Variants in KCNQ3 observed in about 807,000 individuals in gnomAD.
KCNQ3 encodes the protein potassium voltage-gated channel subfamily Q member 3.
Under a neutral mutation model 92.5 loss-of-function variants are expected in KCNQ3, and 30 were observed. That is an observed-to-expected ratio of 0.32 (90% CI 0.24 to 0.44). The LOEUF (loss-of-function observed/expected upper bound fraction) is 0.44. Among genes scored for constraint, KCNQ3 ranks in the 20% least tolerant of loss-of-function variants. KCNQ3 has a pLI of 1.00. For missense variants in KCNQ3, 913 were observed against 1,140.3 expected (o/e 0.80, Z 2.87); for synonymous variants, 450 against 468.8 (o/e 0.96, Z 0.52).
At chr8:132,386,007 T>TA (rs1819882011) in intron 1 of KCNQ3, among the ~76,000 whole-genome samples, 1 of 151,628 alleles carries the variant, frequency 6.6e-6, no homozygotes, top group South Asian at 2.1e-4. Flanking sequence ...AAAGAAAAAG[T>TA]AAAAAATAAA....
intron 8 of KCNQ3, among the ~76,000 whole-genome samples, chr8:132,165,865 A>G (rs1826129384): frequency 6.6e-6 from 1 of 152,214 alleles, no homozygotes; most frequent in Non-Finnish European, 1.5e-5. Flanking sequence ...AAATGGAGTT[A>G]CCCCTTCTAC....
chr8:132,250,000 A>C (rs1815346538), intron 1 of KCNQ3, among the ~76,000 whole-genome samples: 1 of 152,104 alleles, frequency 6.6e-6, no homozygotes, highest in Non-Finnish European at 1.5e-5. Context: ...CTGGCCCACG[A>C]GTGCACTGCA....
chr8:132,276,679 A>C (rs1243227868), intron 1 of KCNQ3, among the ~76,000 whole-genome samples: 2 of 152,160 alleles, frequency 1.3e-5, no homozygotes, highest in Non-Finnish European at 2.9e-5. Context: ...TTGAAATATC[A>C]TAACAATCCT....
At chr8:132,336,267 C>T (rs975711053) in intron 1 of KCNQ3, among the ~76,000 whole-genome samples, 1 of 152,176 alleles carries the variant, frequency 6.6e-6, no homozygotes, top group Non-Finnish European at 1.5e-5. Context: ...TCCAGCTGTG[C>T]CTCCACCTCC....
rs1554648616 is a variant in KCNQ3, at chr8:132,370,309, G to GATGGATGA, written c.386+109837_386+109838insTCATCCAT. On this transcript the variant is annotated intron_variant, in intron 1 of 14. Coordinates refer to ENST00000388996, the MANE Select transcript of KCNQ3 (RefSeq NM_004519.4). ...GTGCTCAATGCGTGCCTGCTAAATGGATGAATGAATGAATGAATGAATGAG... is the reference window on the plus strand; with the variant it reads ...GTGCTCAATGCGTGCCTGCTAAATGGATGGATGAATGAATGAATGAATGAATGAATGAG... Among the ~76,000 whole-genome samples, 13 of 152,170 alleles carry GATGGATGA rather than the reference G, an allele frequency of 8.5e-5. No individual in the cohort carries two copies. In the East Asian group the frequency reaches 2.1e-3, roughly 25 times the overall value.
intron 10 of KCNQ3, chr8:132,140,771 C>G: frequency 3.3e-6 from 1 of 305,390 alleles, no homozygotes; most frequent in South Asian, 3.9e-5. Context: ...CCACTCTTCC[C>G]GTGCCCTGGT....
At chr8:132,394,033 A>T (rs1236335556) in intron 1 of KCNQ3, among the ~76,000 whole-genome samples, 1 of 152,192 alleles carries the variant, frequency 6.6e-6, no homozygotes, top group Non-Finnish European at 1.5e-5. Context: ...AGGCTCCACA[A>T]GACAACAGAG....
chr8:132,388,226 C>T (rs769547714), intron 1 of KCNQ3, among the ~76,000 whole-genome samples: 9 of 152,198 alleles, frequency 5.9e-5, no homozygotes, highest in Admixed American at 3.3e-4. Context: ...GAGGCATAGT[C>T]GTTGTTTGCT....
chr8:132,210,722 T>C (rs9650111), intron 1 of KCNQ3, among the ~76,000 whole-genome samples: 70,254 of 152,020 alleles, frequency 0.46, 16,547 homozygotes, highest in Middle Eastern at 0.53. Context: ...TGTAGAGATG[T>C]ATGGCAGCTT....
At chr8:132,188,154 A>G (rs1233938605) in intron 1 of KCNQ3, among the ~76,000 whole-genome samples, 1 of 152,194 alleles carries the variant, frequency 6.6e-6, no homozygotes, top group Admixed American at 6.5e-5. Context: ...TGAGCAGCTC[A>G]TTGACTTGGC....
At chr8:132,357,899 G>A (rs1292825738) in intron 1 of KCNQ3, among the ~76,000 whole-genome samples, 1 of 152,100 alleles carries the variant, frequency 6.6e-6, no homozygotes, top group Non-Finnish European at 1.5e-5. Flanking sequence ...TTCCCTAAAG[G>A]CCTTTGTGCT....
intron 1 of KCNQ3, among the ~76,000 whole-genome samples, chr8:132,209,619 TAATTATGTGAA>T (rs1813789906): frequency 6.6e-6 from 1 of 152,186 alleles, no homozygotes; most frequent in African/African-American, 2.4e-5. Context: ...TTTTACTTTA[TAATTATGTGAA>T]AGTGATATGC....
intron 1 of KCNQ3, among the ~76,000 whole-genome samples, chr8:132,381,104 C>T (rs1051710798): frequency 7.9e-5 from 12 of 152,180 alleles, no homozygotes; most frequent in African/African-American, 2.9e-4. Context: ...GTGCTAAGGA[C>T]ATTGCACACA....
At chr8:132,300,845 C>T (rs1345080523) in intron 1 of KCNQ3, among the ~76,000 whole-genome samples, 2 of 152,084 alleles carry the variant, frequency 1.3e-5, no homozygotes, top group African/African-American at 2.4e-5. Context: ...TCAGTACCAC[C>T]GATCACTGGG....
intron 1 of KCNQ3, among the ~76,000 whole-genome samples, chr8:132,460,360 G>T (rs1488178805): frequency 6.6e-6 from 1 of 152,070 alleles, no homozygotes; most frequent in African/African-American, 2.4e-5. Context: ...AGTTAAACAT[G>T]AGTTTACATG....
chr8:132,314,257 C>T (rs1817677467), intron 1 of KCNQ3, among the ~76,000 whole-genome samples: 1 of 152,010 alleles, frequency 6.6e-6, no homozygotes, highest in Non-Finnish European at 1.5e-5. Context: ...TATTAACAAA[C>T]CAACAACAAC....
intron 1 of KCNQ3, among the ~76,000 whole-genome samples, chr8:132,317,465 A>G (rs1817775771): frequency 1.3e-5 from 2 of 152,310 alleles, no homozygotes; most frequent in East Asian, 3.9e-4. Flanking sequence ...TAGGATTCCA[A>G]ATGTTCTAGT....
chr8:132,342,337 C>T (rs909692979), intron 1 of KCNQ3, among the ~76,000 whole-genome samples: 3 of 151,010 alleles, frequency 2.0e-5, no homozygotes, highest in South Asian at 2.1e-4. Flanking sequence ...TTTTTTAAGG[C>T]GCGTCATCCC....
intron 1 of KCNQ3, among the ~76,000 whole-genome samples, chr8:132,276,320 A>G (rs10956650): frequency 0.44 from 67,305 of 151,956 alleles, 16,801 homozygotes; most frequent in East Asian, 0.69. Flanking sequence ...AGAGGAAATG[A>G]AGGTGCTGAG....
Sources: allele counts gnomAD v4.1 joint callset (sites outside exome capture counted in the v4.1 genomes callset), GRCh38; gene constraint gnomAD v4.1.1; transcripts MANE v1.5; gene names NCBI Gene and HGNC (gene_info 2026-07-23, HGNC 2026-07-21).